Variants in ATP10B observed in about 807,000 individuals in gnomAD.
ATP10B encodes ATPase phospholipid transporting 10B (putative).
Under a neutral mutation model 141.2 loss-of-function variants are expected in ATP10B, and 122 were observed. That is an observed-to-expected ratio of 0.86 (90% confidence interval 0.75 to 1.00). ATP10B has a LOEUF of 1.00. ATP10B is among the 50% of genes least tolerant of loss of function. The pLI is 0.00. For missense variants in ATP10B, 1,876 were observed against 1,825.3 expected, an observed-to-expected ratio of 1.03 and a Z score of -0.51; for synonymous variants, 685 against 692.0, an observed-to-expected ratio of 0.99 and a Z score of 0.16.
In ATP10B at chr5:160,671,864, G is replaced by A. The variant is rs886287902; in HGVS notation, c.471-1197C>T. Among the ~76,000 whole-genome samples, 9 of 150,724 alleles carry A rather than the reference G, an allele frequency of 6.0e-5. No homozygotes were observed. The East Asian group carries it at 7.8e-4, about 13-fold the overall frequency. On this transcript the variant is annotated intron_variant, in intron 6 of 25. Coordinates refer to ENST00000327245, the MANE Select transcript of ATP10B (RefSeq NM_025153.3). ...TGGAACCTGAACCTGGGTCCAGCCCGACACCAAAACCCACAGTTTTTGCTG... is the reference window on the plus strand; with the variant it reads ...TGGAACCTGAACCTGGGTCCAGCCCAACACCAAAACCCACAGTTTTTGCTG...
intron 1 of ATP10B, among the ~76,000 whole-genome samples, chr5:160,824,960 ACT>A (rs1491556873): frequency 7.7e-5 from 6 of 78,430 alleles, no homozygotes; most frequent in East Asian, 5.0e-4. Context: ...TGTTCCTTAA[ACT>A]CTTTTTTTTA....
intron 3 of ATP10B, among the ~76,000 whole-genome samples, chr5:160,695,617 A>G (rs1764314565): frequency 6.6e-6 from 1 of 152,198 alleles, no homozygotes; most frequent in Non-Finnish European, 1.5e-5. Flanking sequence ...TCAAGAATGG[A>G]TAGAAGACCC....
intron 1 of ATP10B, among the ~76,000 whole-genome samples, chr5:160,817,751 C>T (rs973106286): frequency 3.3e-5 from 5 of 152,198 alleles, no homozygotes; most frequent in African/African-American, 1.2e-4. Context: ...TTAAACTATA[C>T]TGCAAGGCTA....
chr5:160,859,155 C>G, the ATP10B span, among the ~76,000 whole-genome samples: 2 of 151,660 alleles, frequency 1.3e-5, no homozygotes, highest in African/African-American at 4.8e-5. Context: ...CTTTTATTTC[C>G]CCCTTTATTT....
intron 1 of ATP10B, among the ~76,000 whole-genome samples, chr5:160,789,122 A>T (rs1771387587): frequency 6.6e-6 from 1 of 152,146 alleles, no homozygotes; most frequent in South Asian, 2.1e-4. Flanking sequence ...GCACCCATAC[A>T]TGTGGATGAA....
At chr5:160,814,351 T>G (rs1172532522) in intron 1 of ATP10B, among the ~76,000 whole-genome samples, 2 of 152,264 alleles carry the variant, frequency 1.3e-5, no homozygotes, top group African/African-American at 4.8e-5. Context: ...CAAGCCTCAG[T>G]AGCCGATTCG....
Position 160,670,674 on chromosome 5 carries a change from T to A in ATP10B, c.471-7A>T. ...CACATAGGTCTGCTCTTTTCTTGGG[T>A]GAGAGAAAGACAGGGTGTGAGTGAG... On this transcript the variant is annotated splice_region_variant and splice_polypyrimidine_tract_variant and intron_variant, in intron 6 of 25. Transcript: ENST00000327245. 6.2e-7 allele frequency: 1 copy of A among 1,612,174 alleles called. No individual in the cohort carries two copies. The highest frequency in any genetic ancestry group is 1.1e-5 in the South Asian group (1 of 90,918).
At chr5:160,859,657 A>G in the ATP10B span, among the ~76,000 whole-genome samples, 3 of 152,072 alleles carry the variant, frequency 2.0e-5, no homozygotes, top group South Asian at 6.2e-4. Flanking sequence ...AAAAGCTCAG[A>G]AATCTGGAAT....
intron 3 of ATP10B, among the ~76,000 whole-genome samples, chr5:160,691,159 G>T (rs1764053329): frequency 6.6e-6 from 1 of 152,122 alleles, no homozygotes; most frequent in East Asian, 1.9e-4. Context: ...TGCACTATGA[G>T]AACACATGGA....
chr5:160,761,508 G>A (rs145637604), intron 2 of ATP10B, among the ~76,000 whole-genome samples: 187 of 152,312 alleles, frequency 1.2e-3, no homozygotes, highest in Non-Finnish European at 2.0e-3. Context: ...CTGGCTCTTA[G>A]GAAGCCCCAT....
chr5:160,640,675 G>A (rs977875468), intron 9 of ATP10B, 83 bp from the exon 10 acceptor site: 1 of 1,521,260 alleles, frequency 6.6e-7, no homozygotes, highest in South Asian at 1.3e-5. Context: ...TCTCACAGGA[G>A]CTTAAGATAA....
chr5:160,738,039 T>A (rs114635550), intron 2 of ATP10B, among the ~76,000 whole-genome samples: 1 of 152,058 alleles, frequency 6.6e-6, no homozygotes, highest in South Asian at 2.1e-4. Flanking sequence ...CAGGATATGT[T>A]AGGACAAAAA....
At chr5:160,773,167 T>C (rs539320820) in intron 2 of ATP10B, among the ~76,000 whole-genome samples, 281 of 152,324 alleles carry the variant, frequency 1.8e-3, no homozygotes, top group African/African-American at 6.4e-3. Flanking sequence ...GGACTGATGC[T>C]AATCTGGTTG....
intron 23 of ATP10B, among the ~76,000 whole-genome samples, chr5:160,590,090 AC>A (rs1756185184): frequency 6.6e-6 from 1 of 152,144 alleles, no homozygotes; most frequent in Admixed American, 6.6e-5. Flanking sequence ...AGTACAAGGT[AC>A]CCTGGGAACA....
At chr5:160,909,634 A>T in the ATP10B span, among the ~76,000 whole-genome samples, 1 of 152,214 alleles carries the variant, frequency 6.6e-6, no homozygotes, top group African/African-American at 2.4e-5. Flanking sequence ...CACCCACTGG[A>T]TCTTGTTTCT....
rs781638558 is a variant in ATP10B, at chr5:160,598,984, G to A, written c.3364-14C>T. 6 of 1,613,016 alleles carry A rather than the reference G, an allele frequency of 3.7e-6. No homozygotes were observed. Among genetic ancestry groups the A allele is most frequent in the Non-Finnish European group, 4.2e-6 (5 of 1,179,490 alleles). On this transcript the variant is annotated splice_polypyrimidine_tract_variant and intron_variant, in intron 21 of 25. Transcript: ENST00000327245. ...GTTGACGTAGCACTGCAGGCAGAGAGCATGGCCTTGTGAGTGGGGCTCCAT... is the reference window on the plus strand; with the variant it reads ...GTTGACGTAGCACTGCAGGCAGAGAACATGGCCTTGTGAGTGGGGCTCCAT...
At chr5:160,627,524 G>C (rs1052527120) in intron 13 of ATP10B, among the ~76,000 whole-genome samples, 13 of 152,170 alleles carry the variant, frequency 8.5e-5, no homozygotes, top group African/African-American at 3.1e-4. Flanking sequence ...TTGTTGGTGA[G>C]TGTCTCAACT....
intron 1 of ATP10B, among the ~76,000 whole-genome samples, chr5:160,800,576 A>G (rs1772309756): frequency 6.6e-6 from 1 of 152,240 alleles, no homozygotes; most frequent in Non-Finnish European, 1.5e-5. Context: ...TGTTTTGTAC[A>G]AAGTGCATGC....
chr5:160,586,612 T>C (rs1755915365), intron 24 of ATP10B, among the ~76,000 whole-genome samples: 1 of 152,258 alleles, frequency 6.6e-6, no homozygotes, highest in Non-Finnish European at 1.5e-5. Flanking sequence ...AAAGCGTTCC[T>C]ATTTCTCCAC....
Sources: gnomAD v4.1 joint callset for allele counts (sites outside exome capture counted in the v4.1 genomes callset) on GRCh38, gnomAD v4.1.1 for gene constraint, MANE v1.5 for transcripts, NCBI Gene and HGNC (gene_info 2026-07-23, HGNC 2026-07-21) for gene names.